Variants in STPG2 observed in about 807,000 individuals in gnomAD.
The protein encoded by STPG2 is sperm tail PG-rich repeat containing 2, also known as sperm-tail PG-rich repeat-containing protein 2.
In STPG2, 56 loss-of-function variants were observed where a neutral mutation model predicts 54.2. The observed-to-expected ratio is 1.03, with a 90% CI of 0.83 to 1.29. The LOEUF is 1.29. STPG2 is among the 50% of genes most tolerant of loss of function. The probability of loss-of-function intolerance (pLI) is 0.00; values close to 1 mark genes in which losing one functional copy is unlikely to be tolerated. For synonymous variants in STPG2, 200 were observed against 181.8 expected (o/e 1.10, Z -0.81); for missense variants, 596 against 544.9 (o/e 1.09, Z -0.93).
chr4:97,454,672 A>T (rs927621746), intron 4 of STPG2, among the ~76,000 whole-genome samples: 4 of 151,214 alleles, frequency 2.6e-5, no homozygotes, highest in Non-Finnish European at 5.9e-5. Flanking sequence ...TTTAAATGTT[A>T]AAAAAAAATC....
intron 9 of STPG2, among the ~76,000 whole-genome samples, chr4:97,791,685 A>G (rs1304597427): frequency 6.6e-6 from 1 of 152,106 alleles, no homozygotes; most frequent in Non-Finnish European, 1.5e-5. Context: ...CAGGATTATT[A>G]TTACATATAT....
chr4:97,933,150 G>A (rs1425004541), intron 8 of STPG2, among the ~76,000 whole-genome samples: 1 of 151,554 alleles, frequency 6.6e-6, no homozygotes, highest in Non-Finnish European at 1.5e-5. Context: ...TTGTTTATTG[G>A]CCATATAAAT....
chr4:97,890,129 C>A (rs532697047), intron 8 of STPG2, among the ~76,000 whole-genome samples: 1 of 152,188 alleles, frequency 6.6e-6, no homozygotes, highest in East Asian at 1.9e-4. Context: ...AAGAACTAGT[C>A]ACAGAGTTCC....
chr4:97,936,759 A>T (rs1041863568), intron 8 of STPG2, among the ~76,000 whole-genome samples: 1 of 152,162 alleles, frequency 6.6e-6, no homozygotes, highest in Non-Finnish European at 1.5e-5. Flanking sequence ...TGTTAGTCTA[A>T]TGGGCTTCCC....
chr4:97,442,860 T>C (rs1179358684), intron 4 of STPG2, among the ~76,000 whole-genome samples: 1 of 152,120 alleles, frequency 6.6e-6, no homozygotes, highest in East Asian at 1.9e-4. Flanking sequence ...GGTGTGTGCT[T>C]TTTATAGAAT....
rs534688411 is a variant in STPG2 at position 97,678,037 on chromosome 4, G to C, written c.1320+34662C>G. 5.9e-5 allele frequency among the ~76,000 whole-genome samples: 9 copies of C among 151,576 alleles called. No homozygotes were observed. The South Asian group carries it at 1.2e-3, about 21-fold the overall frequency. Reference sequence around the variant, plus strand: ...CTTTGGGGAAAAAAGCCATATAATTGTTTCTTTAAATGTTTTGTAGATGTT... The same window carrying C: ...CTTTGGGGAAAAAAGCCATATAATTCTTTCTTTAAATGTTTTGTAGATGTT... On this transcript the variant is annotated intron_variant, in intron 10 of 10. Transcript: ENST00000295268.
intron 5 of STPG2, among the ~76,000 whole-genome samples, chr4:98,044,681 T>G (rs149671813): frequency 2.0e-3 from 305 of 152,298 alleles, no homozygotes; most frequent in African/African-American, 7.1e-3. Flanking sequence ...TTTGAGTTTT[T>G]GGGGGTTATT....
chr4:97,781,214 A>T (rs1726597838), intron 9 of STPG2, among the ~76,000 whole-genome samples: 1 of 152,174 alleles, frequency 6.6e-6, no homozygotes, highest in East Asian at 1.9e-4. Flanking sequence ...AGAGAGAAGA[A>T]TCAAATAGAT....
intron 9 of STPG2, among the ~76,000 whole-genome samples, chr4:97,789,600 T>C (rs1726930517): frequency 6.6e-6 from 1 of 152,184 alleles, no homozygotes; most frequent in South Asian, 2.1e-4. Flanking sequence ...TCAAATTTTA[T>C]TAATTCTCAA....
At chr4:97,503,812 ATTTAAATATTTTAAAAATATAT>A in intron 4 of STPG2, among the ~76,000 whole-genome samples, 3 of 134,614 alleles carry the variant, frequency 2.2e-5, no homozygotes, top group Admixed American at 1.6e-4. Context: ...TTAAAAATAT[ATTTAAATATTTTAAAAATATAT>A]TTTCATATTC....
chr4:97,574,567 G>T (rs1016913077), intron 10 of STPG2, among the ~76,000 whole-genome samples: 1 of 151,944 alleles, frequency 6.6e-6, no homozygotes, highest in Non-Finnish European at 1.5e-5. Flanking sequence ...CATCTCTCTG[G>T]GTTTAGGACA....
Position 97,519,851 on chromosome 4 carries a change from G to A in STPG2, c.462+192848C>T, listed in dbSNP as rs530574338. Among the ~76,000 whole-genome samples, 255 of 152,112 alleles carry A rather than the reference G, an allele frequency of 1.7e-3. 1 individual carries two copies. The highest frequency in any genetic ancestry group is 5.2e-3 in the African/African-American group (215 of 41,526). ...GGAGAGATGAAGAAAAAGGAGAAAGGACAAGGGATAGGTAATTCCTGAAAT... is the reference window on the plus strand; with the variant it reads ...GGAGAGATGAAGAAAAAGGAGAAAGAACAAGGGATAGGTAATTCCTGAAAT... On this transcript the variant is annotated intron_variant, in intron 4 of 4. Coordinates refer to the STPG2 transcript ENST00000522676.
chr4:97,493,361 A>G (rs1730541993), intron 4 of STPG2, among the ~76,000 whole-genome samples: 1 of 151,442 alleles, frequency 6.6e-6, no homozygotes, highest in Non-Finnish European at 1.5e-5. Flanking sequence ...GATAACTAAA[A>G]CATAATTAAT....
chr4:97,907,620 C>T (rs1451810830), intron 8 of STPG2, among the ~76,000 whole-genome samples: 8 of 152,124 alleles, frequency 5.3e-5, no homozygotes, highest in African/African-American at 1.9e-4. Flanking sequence ...TCAAACTATA[C>T]TACAAGGCTA....
intron 5 of STPG2, among the ~76,000 whole-genome samples, chr4:97,995,198 G>A (rs1735165319): frequency 9.0e-6 from 1 of 110,894 alleles, no homozygotes; most frequent in Non-Finnish European, 1.7e-5. Flanking sequence ...ATAGCACTGA[G>A]TTTATTTCCA....
At chr4:97,808,850 C>T (rs1048885147) in intron 9 of STPG2, among the ~76,000 whole-genome samples, 1 of 151,674 alleles carries the variant, frequency 6.6e-6, no homozygotes, top group Non-Finnish European at 1.5e-5. Context: ...CATGCATACA[C>T]AGACTCTCAA....
intron 8 of STPG2, among the ~76,000 whole-genome samples, chr4:97,906,052 C>T (rs1409239318): frequency 6.6e-6 from 1 of 152,116 alleles, no homozygotes; most frequent in East Asian, 1.9e-4. Context: ...CACAAAAACC[C>T]TTCAAAAAAG....
intron 5 of STPG2, among the ~76,000 whole-genome samples, chr4:98,100,684 T>G (rs1309718180): frequency 5.5e-5 from 8 of 146,144 alleles, no homozygotes; most frequent in African/African-American, 1.0e-4. Flanking sequence ...TTTTTTTTTT[T>G]TTTGTTTTTG....
At chr4:98,051,001 T>TGC (rs1737302574) in intron 5 of STPG2, among the ~76,000 whole-genome samples, 1 of 143,602 alleles carries the variant, frequency 7.0e-6, no homozygotes, top group African/African-American at 2.6e-5. Flanking sequence ...AGAGACTCCA[T>TGC]CTCAAAAAAA....
Sources: allele counts gnomAD v4.1 joint callset (sites outside exome capture counted in the v4.1 genomes callset), GRCh38; gene constraint gnomAD v4.1.1; transcripts MANE v1.5; gene names NCBI Gene and HGNC (gene_info 2026-07-23, HGNC 2026-07-21).